Variants in RBFOX1 observed in about 807,000 individuals in gnomAD.
The protein encoded by RBFOX1 is RNA binding protein fox-1 homolog 1.
RBFOX1 carries 8 observed loss-of-function variants against 57.7 expected under a neutral mutation model. The ratio of observed to expected loss-of-function variants is 0.14; its 90% CI spans 0.08 to 0.25. RBFOX1 has a LOEUF of 0.25. RBFOX1 is among the 10% of genes least tolerant of loss of function. The pLI is 1.00. For synonymous variants in RBFOX1, 326 were observed against 222.4 expected (o/e 1.47, Z -4.15); for missense variants, 611 against 548.5 (o/e 1.11, Z -1.14).
intron 2 of RBFOX1, among the ~76,000 whole-genome samples, chr16:6,554,338 A>T (rs112864801): frequency 4.2e-4 from 64 of 152,296 alleles, no homozygotes; most frequent in African/African-American, 1.5e-3. Flanking sequence ...TGTTGGGAAT[A>T]GGCAAGTCTA....
At chr16:5,980,989 C>G (rs2060161175) in intron 4 of RBFOX1, among the ~76,000 whole-genome samples, 1 of 152,202 alleles carries the variant, frequency 6.6e-6, no homozygotes, top group South Asian at 2.1e-4. Context: ...GATCTGCAGA[C>G]CCACAGCCTG....
At chr16:7,345,822 A>G (rs1469713472) in intron 4 of RBFOX1, among the ~76,000 whole-genome samples, 12 of 151,742 alleles carry the variant, frequency 7.9e-5, no homozygotes, top group Admixed American at 7.9e-4. Flanking sequence ...TTTAATTTTA[A>G]TTTTTTGTTT....
chr16:5,539,766 T>C (rs998762018), intron 2 of RBFOX1, among the ~76,000 whole-genome samples: 1 of 152,208 alleles, frequency 6.6e-6, no homozygotes, highest in African/African-American at 2.4e-5. Flanking sequence ...TGAAAGAAAC[T>C]AAAATTCTGC....
At chr16:5,669,328 C>G (rs897683674) in intron 3 of RBFOX1, among the ~76,000 whole-genome samples, 5 of 151,846 alleles carry the variant, frequency 3.3e-5, no homozygotes, top group Non-Finnish European at 5.9e-5. Context: ...AGCCAAGTTT[C>G]TGCAAAAGCC....
intron 1 of RBFOX1, chr16:5,270,735 G>C (rs1345639916): frequency 1.0e-5 from 5 of 481,954 alleles, no homozygotes; most frequent in South Asian, 5.4e-5. Context: ...TCAATAAATT[G>C]ATACCAGATA....
intron 4 of RBFOX1, among the ~76,000 whole-genome samples, chr16:7,174,403 G>A (rs114602873): frequency 2.0e-5 from 3 of 152,154 alleles, no homozygotes; most frequent in Non-Finnish European, 4.4e-5. Context: ...GTTCTTGGGT[G>A]GATATATGCT....
chr16:7,160,431 C>T (rs552390940), intron 4 of RBFOX1, among the ~76,000 whole-genome samples: 34 of 152,048 alleles, frequency 2.2e-4, no homozygotes, highest in African/African-American at 8.0e-4. Context: ...TTCCTTCTTT[C>T]GTAAGGTTGC....
At chr16:7,096,848 C>A (rs564802308) in intron 4 of RBFOX1, among the ~76,000 whole-genome samples, 2 of 142,894 alleles carry the variant, frequency 1.4e-5, no homozygotes, top group South Asian at 4.6e-4. Context: ...AAGAGAATCA[C>A]TTGAACCCGG....
chr16:6,232,222 A>T (rs2097467656), intron 1 of RBFOX1, among the ~76,000 whole-genome samples: 1 of 152,192 alleles, frequency 6.6e-6, no homozygotes, highest in Non-Finnish European at 1.5e-5. Context: ...GGAGAGGAGA[A>T]TGTGGTGTGA....
At chr16:5,384,780 C>A (rs1284140279) in intron 1 of RBFOX1, among the ~76,000 whole-genome samples, 2 of 152,184 alleles carry the variant, frequency 1.3e-5, no homozygotes, top group South Asian at 2.1e-4. Context: ...CAGCTACTCA[C>A]TAGCTGCGTG....
At chr16:6,863,177 G>A (rs1181086775) in intron 3 of RBFOX1, among the ~76,000 whole-genome samples, 1 of 151,858 alleles carries the variant, frequency 6.6e-6, no homozygotes, top group Non-Finnish European at 1.5e-5. Context: ...AAAACAGGAG[G>A]GCTTGCCTGA....
At chr16:5,455,367 C>T (rs147336704) in intron 1 of RBFOX1, among the ~76,000 whole-genome samples, 205 of 152,150 alleles carry the variant, frequency 1.3e-3, no homozygotes, top group African/African-American at 4.8e-3. Context: ...CTTCAGAAGC[C>T]GCCTAGTATC....
chr16:7,238,751 C>T (rs891698913), intron 4 of RBFOX1, among the ~76,000 whole-genome samples: 1 of 152,124 alleles, frequency 6.6e-6, no homozygotes, highest in Non-Finnish European at 1.5e-5. Flanking sequence ...GGTGTTAAAC[C>T]TAGTACCCAT....
rs558006810 is a variant in RBFOX1 at position 6,995,179 on chromosome 16, G to C, written c.-15-56878G>C. Among the ~76,000 whole-genome samples, 3 of 152,186 alleles carry C rather than the reference G, an allele frequency of 2.0e-5. No individual in the cohort carries two copies. In the East Asian group the frequency reaches 5.8e-4, roughly 29 times the overall value. On this transcript the variant is annotated intron_variant, in intron 3 of 15. Coordinates refer to ENST00000550418, the MANE Select transcript of RBFOX1 (RefSeq NM_018723.4). ...TTGTTATGGACATTTCTCTTACAGT[G>C]TGGCTTTACATAATGGGAATTGGAT...
At chr16:6,783,555 C>G (rs2081393962) in intron 3 of RBFOX1, among the ~76,000 whole-genome samples, 1 of 151,976 alleles carries the variant, frequency 6.6e-6, no homozygotes, top group Non-Finnish European at 1.5e-5. Context: ...TTATCTCCAT[C>G]TCCTGCAGTC....
At chr16:6,966,749 A>T (rs74010404) in intron 3 of RBFOX1, among the ~76,000 whole-genome samples, 2,721 of 147,032 alleles carry the variant, frequency 0.019, 89 homozygotes, top group African/African-American at 0.066. Flanking sequence ...GCCTGCCTCT[A>T]TCTGTCTGTC....
intron 3 of RBFOX1, among the ~76,000 whole-genome samples, chr16:5,697,858 C>T (rs971679713): frequency 1.3e-5 from 2 of 152,128 alleles, no homozygotes; most frequent in African/African-American, 2.4e-5. Context: ...CAACTTTAAG[C>T]ATGATCTTTG....
At chr16:6,120,135 G>C (rs560213387) in intron 1 of RBFOX1, among the ~76,000 whole-genome samples, 1 of 152,160 alleles carries the variant, frequency 6.6e-6, no homozygotes, top group African/African-American at 2.4e-5. Context: ...CCCTTTTATG[G>C]CTGAATAACG....
chr16:6,057,649 G>C (rs1282622186), intron 1 of RBFOX1, among the ~76,000 whole-genome samples: 1 of 152,074 alleles, frequency 6.6e-6, no homozygotes, highest in African/African-American at 2.4e-5. Flanking sequence ...TTTCTCTAAT[G>C]TAATGACTTC....
Sources: allele counts gnomAD v4.1 joint callset (sites outside exome capture counted in the v4.1 genomes callset), GRCh38; gene constraint gnomAD v4.1.1; transcripts MANE v1.5; gene names NCBI Gene and HGNC (gene_info 2026-07-23, HGNC 2026-07-21).